CDH13: variants seen among roughly 807,000 people sequenced by gnomAD.
The protein encoded by CDH13 is cadherin-13.
A neutral mutation model predicts 63.8 loss-of-function variants in CDH13; 24 were observed. The ratio of observed to expected loss-of-function variants is 0.38; its 90% CI spans 0.27 to 0.53. CDH13 has a LOEUF of 0.53. CDH13 is among the 20% of genes least tolerant of loss of function. The pLI is 0.85. For synonymous variants in CDH13, 503 were observed against 355.3 expected (o/e 1.42, Z -4.67); for missense variants, 1,049 against 903.1 (o/e 1.16, Z -2.07).
At chr16:83,076,046 A>G (rs2151551627) in intron 3 of CDH13, among the ~76,000 whole-genome samples, 1 of 152,338 alleles carries the variant, frequency 6.6e-6, no homozygotes, top group South Asian at 2.1e-4. Context: ...GACAAATGGC[A>G]GAGCCAGAAC....
At chr16:82,965,876 A>G (rs987001507) in intron 2 of CDH13, among the ~76,000 whole-genome samples, 4 of 152,228 alleles carry the variant, frequency 2.6e-5, no homozygotes, top group African/African-American at 9.6e-5. Context: ...CATCACACCC[A>G]TATGGAGGAG....
intron 4 of CDH13, among the ~76,000 whole-genome samples, chr16:83,191,510 C>T (rs1321699961): frequency 0.078 from 6,763 of 87,100 alleles, 286 homozygotes; most frequent in Middle Eastern, 0.13. Flanking sequence ...TATATACACA[C>T]ACACACACAC....
At chr16:83,176,031 G>T (rs778284370) in intron 4 of CDH13, among the ~76,000 whole-genome samples, 1 of 148,728 alleles carries the variant, frequency 6.7e-6, no homozygotes, top group African/African-American at 2.5e-5. Flanking sequence ...TTTTTTTTCA[G>T]TAGAGACGGG....
chr16:82,773,048 A>G (rs8060885), intron 1 of CDH13, among the ~76,000 whole-genome samples: 2 of 152,068 alleles, frequency 1.3e-5, no homozygotes, highest in Admixed American at 6.5e-5. Flanking sequence ...TGTGGAAAGG[A>G]TAGAACTCAA....
At chr16:83,307,530 G>A (rs1378962863) in intron 5 of CDH13, among the ~76,000 whole-genome samples, 1 of 152,062 alleles carries the variant, frequency 6.6e-6, no homozygotes, top group Non-Finnish European at 1.5e-5. Context: ...TTACTAATAG[G>A]AGCACCAAAT....
At chr16:83,264,729 C>T (rs1007716638) in intron 5 of CDH13, among the ~76,000 whole-genome samples, 12 of 151,800 alleles carry the variant, frequency 7.9e-5, no homozygotes, top group African/African-American at 2.4e-5. Flanking sequence ...AGACAACACC[C>T]CTCTAAACTC....
At chr16:83,762,871 G>C (rs1018088273) in intron 11 of CDH13, among the ~76,000 whole-genome samples, 72 of 152,110 alleles carry the variant, frequency 4.7e-4, no homozygotes, top group Admixed American at 1.1e-3. Flanking sequence ...AAACAATGAA[G>C]ACAAATATTT....
intron 3 of CDH13, among the ~76,000 whole-genome samples, chr16:83,111,410 C>T (rs1038650296): frequency 3.3e-5 from 5 of 152,070 alleles, no homozygotes; most frequent in African/African-American, 9.7e-5. Context: ...TAGACTAAAG[C>T]ATAAATAATA....
At chr16:82,675,872 G>A (rs533469971) in intron 1 of CDH13, among the ~76,000 whole-genome samples, 3 of 152,234 alleles carry the variant, frequency 2.0e-5, no homozygotes, top group African/African-American at 4.8e-5. Context: ...TGCTCTTTCC[G>A]CGCTAAGCAG....
At chr16:83,290,272 C>T (rs2089434466) in intron 5 of CDH13, among the ~76,000 whole-genome samples, 2 of 152,314 alleles carry the variant, frequency 1.3e-5, no homozygotes, top group Admixed American at 6.5e-5. Context: ...ACAATTCACT[C>T]TTCAGTCCCT....
At chr16:82,637,442 T>TTTTTTTTTTTTTTTTTTTTTTTTTG (rs1908798210) in intron 1 of CDH13, among the ~76,000 whole-genome samples, 1 of 132,930 alleles carries the variant, frequency 7.5e-6, no homozygotes. Flanking sequence ...TTTTTTTTTT[T>TTTTTTTTTTTTTTTTTTTTTTTTTG]TTTTTTGAGA....
intron 2 of CDH13, among the ~76,000 whole-genome samples, chr16:83,000,017 T>G (rs1447485204): frequency 1.3e-5 from 2 of 151,956 alleles, no homozygotes; most frequent in East Asian, 3.9e-4. Flanking sequence ...GCTTAAGACA[T>G]CCATGCAGAA....
At chr16:83,778,943 A>G (rs1057147033) in intron 11 of CDH13, among the ~76,000 whole-genome samples, 2 of 152,206 alleles carry the variant, frequency 1.3e-5, no homozygotes, top group African/African-American at 4.8e-5. Flanking sequence ...CCTGCCACCA[A>G]CATGTGTGAA....
At position 83,024,707 on chromosome 16, in the gene CDH13, T is replaced by G. The variant is rs540987154; in HGVS notation, c.158-7303T>G. On this transcript the variant is annotated intron_variant, in intron 2 of 13. Coordinates refer to ENST00000567109, the MANE Select transcript of CDH13 (RefSeq NM_001257.5). Reference sequence around the variant, plus strand: ...AAGCTCACAGTGTAATGTAATGTCATTACTTTAGGAAAACTCTTGCCTTAC... The same window carrying G: ...AAGCTCACAGTGTAATGTAATGTCAGTACTTTAGGAAAACTCTTGCCTTAC... Among the ~76,000 whole-genome samples the G allele has an allele frequency of 3.3e-5, 5 of 152,360 alleles. No homozygotes were observed. The South Asian group carries it at 1.0e-3, about 32-fold the overall frequency.
intron 2 of CDH13, among the ~76,000 whole-genome samples, chr16:83,022,615 G>C (rs1396557015): frequency 6.6e-6 from 1 of 152,162 alleles, no homozygotes; most frequent in African/African-American, 2.4e-5. Flanking sequence ...AGATCCTGGA[G>C]GTGGATCTGT....
chr16:83,389,204 A>T (rs1306221994), intron 6 of CDH13, among the ~76,000 whole-genome samples: 2 of 152,224 alleles, frequency 1.3e-5, no homozygotes, highest in Non-Finnish European at 2.9e-5. Flanking sequence ...AAATCACATT[A>T]TTGTAAGAAT....
At chr16:83,007,172 T>A (rs751940525) in intron 2 of CDH13, among the ~76,000 whole-genome samples, 1 of 152,134 alleles carries the variant, frequency 6.6e-6, no homozygotes, top group Non-Finnish European at 1.5e-5. Flanking sequence ...TCTGCCCACC[T>A]CGGCCTCCCA....
At chr16:83,228,634 T>G (rs59141549) in intron 5 of CDH13, among the ~76,000 whole-genome samples, 21,192 of 151,986 alleles carry the variant, frequency 0.14, 1,534 homozygotes, top group African/African-American at 0.16. Flanking sequence ...CAGGAAGGGT[T>G]TTGTGAGAAC....
intron 7 of CDH13, among the ~76,000 whole-genome samples, chr16:83,562,083 CCA>C (rs2075719878): frequency 6.6e-6 from 1 of 152,158 alleles, no homozygotes; most frequent in South Asian, 2.1e-4. Context: ...CAAGTGTCTT[CCA>C]CAGTTTAGAT....
Sources: allele counts gnomAD v4.1 joint callset (sites outside exome capture counted in the v4.1 genomes callset), GRCh38; gene constraint gnomAD v4.1.1; transcripts MANE v1.5; gene names NCBI Gene and HGNC (gene_info 2026-07-23, HGNC 2026-07-21).